Variants in RBMS1 observed in about 807,000 individuals in gnomAD.
RBMS1 encodes RNA binding motif single stranded interacting protein 1, also known as RNA-binding motif, single-stranded-interacting protein 1.
Under a neutral mutation model 62.3 loss-of-function variants are expected in RBMS1, and 17 were observed. That is an observed-to-expected ratio of 0.27 (90% CI 0.19 to 0.41). The LOEUF is 0.41. Among genes scored for constraint, RBMS1 ranks in the 10% least tolerant of loss-of-function variants. The pLI, the probability that RBMS1 is intolerant of heterozygous loss-of-function variation, is 1.00. For synonymous variants in RBMS1, 172 were observed against 170.0 expected (o/e 1.01, Z -0.09); for missense variants, 334 against 504.5 (o/e 0.66, Z 3.24).
At chr2:160,489,996 C>T (rs1685755159) in intron 1 of RBMS1, among the ~76,000 whole-genome samples, 1 of 152,076 alleles carries the variant, frequency 6.6e-6, no homozygotes, top group Non-Finnish European at 1.5e-5. Context: ...GTTGTAGTAT[C>T]TTTGAAATAA....
At chr2:160,344,014 A>C (rs1692036849) in intron 2 of RBMS1, among the ~76,000 whole-genome samples, 1 of 152,170 alleles carries the variant, frequency 6.6e-6, no homozygotes, top group Admixed American at 6.6e-5. Flanking sequence ...GATATGAATA[A>C]GTTATTTTTC....
intron 1 of RBMS1, among the ~76,000 whole-genome samples, chr2:160,481,668 AGTT>A (rs1256319672): frequency 2.0e-5 from 3 of 152,230 alleles, no homozygotes; most frequent in African/African-American, 4.8e-5. Flanking sequence ...ATCCCAATAA[AGTT>A]GTTATTTTTA....
At chr2:160,439,962 G>A (rs1477829625) in intron 1 of RBMS1, among the ~76,000 whole-genome samples, 1 of 152,022 alleles carries the variant, frequency 6.6e-6, no homozygotes, top group Admixed American at 6.5e-5. Flanking sequence ...AGCTGAGGCA[G>A]GAGAATCAGG....
chr2:160,312,094 G>A (rs915361940), intron 4 of RBMS1, among the ~76,000 whole-genome samples: 2 of 152,178 alleles, frequency 1.3e-5, no homozygotes, highest in Non-Finnish European at 2.9e-5. Context: ...GGGGTTGGGG[G>A]GAGATGCACA....
Position 160,284,593 on chromosome 2 carries a change from A to C in RBMS1, c.900+182T>G, listed in dbSNP as rs1230675153. 2.0e-5 allele frequency: 12 copies of C among 591,534 alleles called. No individual in the cohort carries two copies. In the African/African-American group the frequency reaches 2.1e-4, roughly 10 times the overall value. The allele number at this position is 591,534 out of a possible 1,614,324, so 36.6% of individuals were successfully genotyped here. ...TGACAAACATTTTCCTTTGCTTTACATTCTCCTATACATAAATTGCTCTGC... is the reference window on the plus strand; with the variant it reads ...TGACAAACATTTTCCTTTGCTTTACCTTCTCCTATACATAAATTGCTCTGC... On this transcript the variant is annotated intron_variant, in intron 9 of 13. Transcript: ENST00000348849.
intron 2 of RBMS1, among the ~76,000 whole-genome samples, chr2:160,345,851 C>G (rs190623286): frequency 6.6e-6 from 1 of 151,992 alleles, no homozygotes; most frequent in Non-Finnish European, 1.5e-5. Flanking sequence ...TTCCTTATAA[C>G]GCTAGATTTA....
rs367600184 is a variant in RBMS1, at chr2:160,483,079, T to TA, written c.75+10209dup. 9.4e-4 allele frequency among the ~76,000 whole-genome samples: 132 copies of TA among 141,042 alleles called. 1 individual carries two copies. Among genetic ancestry groups the TA allele is most frequent in the South Asian group, 2.3e-3 (10 of 4,426 alleles). The allele number at this position is 141,042 out of a possible 152,430, so 92.5% of individuals were successfully genotyped here. A position where few individuals can be genotyped will look rare whatever the true frequency, so the allele number is the denominator to read the frequency against. On this transcript the variant is annotated intron_variant, in intron 1 of 13. Coordinates refer to ENST00000348849, the MANE Select transcript of RBMS1 (RefSeq NM_016836.4). ...TTGTAGGTTAAAAAATAATCTCTCTTAAAAAAAAAAAAAAGCAAACAAAAT... is the reference window on the plus strand; with the variant it reads ...TTGTAGGTTAAAAAATAATCTCTCTTAAAAAAAAAAAAAAAGCAAACAAAAT...
chr2:160,417,644 A>C (rs1213482951), intron 1 of RBMS1, among the ~76,000 whole-genome samples: 1 of 152,246 alleles, frequency 6.6e-6, no homozygotes, highest in East Asian at 1.9e-4. Context: ...ATTAAAAGAC[A>C]CCATAACTTA....
chr2:160,438,779 C>A (rs1033367874), intron 1 of RBMS1, among the ~76,000 whole-genome samples: 2 of 152,258 alleles, frequency 1.3e-5, no homozygotes, highest in African/African-American at 4.8e-5. Flanking sequence ...GTTGGGTATA[C>A]CTCCCAGACG....
rs1239368796 is a variant in RBMS1, at chr2:160,439,539, C to A, written c.75+53750G>T. The stretch of plus-strand genomic sequence containing the variant: ...GCTCCTCACTTCCTAGATGGGATGG[C>A]GGCCGGGCAGAGACGCTCCTCACTT... On this transcript the variant is annotated intron_variant, in intron 1 of 13. Coordinates refer to ENST00000348849, the MANE Select transcript of RBMS1 (RefSeq NM_016836.4). Among the ~76,000 whole-genome samples, 103 of 151,844 alleles carry A rather than the reference C, an allele frequency of 6.8e-4. 1 individual carries two copies. Among genetic ancestry groups the A allele is most frequent in the African/African-American group, 2.1e-3 (88 of 41,398 alleles).
chr2:160,278,592 G>C lies in RBMS1; in HGVS notation c.1018C>G (p.Leu340Val). The change falls in exon 11 of 14, where the codon CTG becomes GTG. Residue 340 changes from leucine to valine, a missense_variant. Around this residue, in one of 3 missense-constraint regions of RBMS1, gnomAD observed 182 missense variants for 257.7 expected, o/e 0.71. Coordinates refer to ENST00000348849, the MANE Select transcript of RBMS1 (RefSeq NM_016836.4). ...GACAGATGACTCATCTGCTGGGCCA[G>C]AGGGCTGATCATTGATGCGGGCTGT... The part of the protein sequence containing the change: ...SLQPASMISP[L>V]AQQMSHLSLG... 1 of 1,613,714 alleles carries C rather than the reference G, an allele frequency of 6.2e-7. No homozygotes were observed. The highest frequency in any genetic ancestry group is 8.5e-7 in the Non-Finnish European group (1 of 1,179,780).
chr2:160,457,056 TTAGCAGTAG>T (rs1684267314), intron 1 of RBMS1, among the ~76,000 whole-genome samples: 1 of 152,032 alleles, frequency 6.6e-6, no homozygotes, highest in Non-Finnish European at 1.5e-5. Flanking sequence ...GGCCTGTGAA[TTAGCAGTAG>T]TATCCTCATT....
chr2:160,493,270 C>G lies in RBMS1; in HGVS notation c.75+19G>C. 1 of 1,611,652 alleles carries G rather than the reference C, an allele frequency of 6.2e-7. No individual in the cohort carries two copies. The highest frequency in any genetic ancestry group is 8.5e-7 in the Non-Finnish European group (1 of 1,178,036). ...GGGCCCCCTCCTCCGGCCGTCACCT[C>G]TCCCCGGCGCCCCTTTACCTTGGCT... On this transcript the variant is annotated intron_variant, in intron 1 of 13. Transcript: ENST00000348849.
At chr2:160,291,511 C>T in intron 6 of RBMS1, among the ~76,000 whole-genome samples, 1 of 152,082 alleles carries the variant, frequency 6.6e-6, no homozygotes, top group Non-Finnish European at 1.5e-5. Flanking sequence ...AACATCGTTT[C>T]CTGTTTTAGC....
chr2:160,310,157 A>AT (rs1689769737), intron 4 of RBMS1, among the ~76,000 whole-genome samples: 1 of 152,178 alleles, frequency 6.6e-6, no homozygotes, highest in Non-Finnish European at 1.5e-5. Flanking sequence ...AAATGTAACT[A>AT]TTTTATTTTC....
rs138247140 is a variant in RBMS1 at position 160,286,089 on chromosome 2, C to T, written c.756+880G>A. ...TCGTGCCACTGCCCTCCAGCCTGAG[C>T]GACAGAGCAAGACTCCATCTCAAAA... On this transcript the variant is annotated intron_variant, in intron 7 of 13. Transcript: ENST00000348849. 1.8e-3 allele frequency among the ~76,000 whole-genome samples: 269 copies of T among 151,184 alleles called. 3 individuals carry two copies. The highest frequency in any genetic ancestry group is 5.2e-3 in the African/African-American group (215 of 41,184).
chr2:160,315,635 C>T (rs1690175029), intron 3 of RBMS1, among the ~76,000 whole-genome samples: 1 of 152,188 alleles, frequency 6.6e-6, no homozygotes, highest in Non-Finnish European at 1.5e-5. Flanking sequence ...CTAATTCATC[C>T]TGAAACTATT....
chr2:160,482,104 T>A (rs1685396052), intron 1 of RBMS1, among the ~76,000 whole-genome samples: 1 of 152,108 alleles, frequency 6.6e-6, no homozygotes, highest in Non-Finnish European at 1.5e-5. Context: ...ATACAATATA[T>A]CCTGTAATCC....
At chr2:160,482,825 G>A (rs572619797) in intron 1 of RBMS1, among the ~76,000 whole-genome samples, 2 of 152,254 alleles carry the variant, frequency 1.3e-5, no homozygotes, top group Admixed American at 6.5e-5. Context: ...CTGTTGTGGC[G>A]CCCTAGAAAG....
Sources: gnomAD v4.1 joint callset for allele counts (sites outside exome capture counted in the v4.1 genomes callset) on GRCh38, gnomAD v4.1.1 for gene constraint, gnomAD v4.1.1 regional missense constraint, MANE v1.5 for transcripts, NCBI Gene and HGNC (gene_info 2026-07-23, HGNC 2026-07-21) for gene names.